FAM163B: variants seen among roughly 807,000 people sequenced by gnomAD.
FAM163B encodes the protein family with sequence similarity 163 member B, also known as protein FAM163B.
FAM163B carries 4 observed loss-of-function variants against 7.6 expected under a neutral mutation model. That is an observed-to-expected ratio of 0.52 (90% CI 0.26 to 1.20). FAM163B has a LOEUF of 1.20. Ranked by LOEUF, FAM163B falls within the 50% of genes most tolerant of loss-of-function variation. FAM163B has a pLI of 0.14. For synonymous variants in FAM163B, 120 were observed against 111.6 expected, an observed-to-expected ratio of 1.07 and a Z score of -0.47; for missense variants, 250 against 243.0, an observed-to-expected ratio of 1.03 and a Z score of -0.19.
chr9:133,589,565 C>G (rs1264713859), intron 1 of FAM163B, among the ~76,000 whole-genome samples: 1 of 152,160 alleles, frequency 6.6e-6, no homozygotes, highest in Non-Finnish European at 1.5e-5. Flanking sequence ...GACCTAAGCC[C>G]CATGAAGGCA....
At chr9:133,587,248 TG>T (rs1449035651) in intron 1 of FAM163B, among the ~76,000 whole-genome samples, 1 of 152,184 alleles carries the variant, frequency 6.6e-6, no homozygotes, top group Non-Finnish European at 1.5e-5. Context: ...GAGCCCTGCC[TG>T]GCCCACTACT....
At position 133,579,112 on chromosome 9, in the gene FAM163B, G is replaced by A. The variant is rs11507480; in HGVS notation, c.411C>T (p.Gly137=). 2 of 1,606,284 alleles carry A rather than the reference G, an allele frequency of 1.2e-6. No individual in the cohort carries two copies. The highest frequency in any genetic ancestry group is 1.7e-6 in the Non-Finnish European group (2 of 1,178,930). ...SQEDVELPPG[G]FGGLQALNPN... ...GGTTGAGCGCCTGCAGGCCCCCGAAGCCCCCCGGGGGCAGCTCCACGTCCT... is the reference window on the plus strand; with the variant it reads ...GGTTGAGCGCCTGCAGGCCCCCGAAACCCCCCGGGGGCAGCTCCACGTCCT... The change falls in exon 3 of 3, where the codon GGC becomes GGT. Residue 137 remains glycine (G), a synonymous_variant. Coordinates refer to ENST00000673969, the MANE Select transcript of FAM163B (RefSeq NM_001080515.3).
chr9:133,599,402 A>G (rs1387711912), intron 1 of FAM163B, among the ~76,000 whole-genome samples: 1 of 152,096 alleles, frequency 6.6e-6, no homozygotes, highest in Non-Finnish European at 1.5e-5. Flanking sequence ...TGCAAGCCCG[A>G]CAGCAGCTGA....
intron 1 of FAM163B, among the ~76,000 whole-genome samples, chr9:133,584,897 C>T (rs1340419967): frequency 2.0e-4 from 30 of 152,356 alleles, no homozygotes; most frequent in Admixed American, 1.8e-3. Context: ...CTGAAGCCTC[C>T]GCACTGCCAG....
rs145068435 is a variant in FAM163B, at chr9:133,592,897, C to A, written c.-23-12651G>T. On this transcript the variant is annotated intron_variant, in intron 1 of 2. Transcript: ENST00000673969. ...ACTCGAATCACCTGGGGCAGTTACA[C>A]CTGCCCCAGACCTGGCAGCATCCCA... Among the ~76,000 whole-genome samples, 818 of 152,260 alleles carry A rather than the reference C, an allele frequency of 5.4e-3. 10 individuals are homozygous for A. Among genetic ancestry groups the A allele is most frequent in the African/African-American group, 0.019 (787 of 41,554 alleles).
intron 1 of FAM163B, among the ~76,000 whole-genome samples, chr9:133,598,194 G>A (rs537846750): frequency 8.0e-4 from 121 of 151,770 alleles, no homozygotes; most frequent in African/African-American, 2.3e-3. Flanking sequence ...GGGTGGAGTC[G>A]GGCTTGTCTT....
chr9:133,583,711 G>A (rs1831389702), intron 1 of FAM163B, among the ~76,000 whole-genome samples: 1 of 152,200 alleles, frequency 6.6e-6, no homozygotes, highest in African/African-American at 2.4e-5. Flanking sequence ...CTCCAGCGGA[G>A]AGCAGCCTGG....
chr9:133,605,825 C>T (rs1365355363), intron 1 of FAM163B, among the ~76,000 whole-genome samples: 1 of 152,226 alleles, frequency 6.6e-6, no homozygotes, highest in Non-Finnish European at 1.5e-5. Context: ...CCAACACAAA[C>T]ATCCAGCCCT....
At chr9:133,588,934 T>G (rs1025020810) in intron 1 of FAM163B, among the ~76,000 whole-genome samples, 2 of 152,086 alleles carry the variant, frequency 1.3e-5, no homozygotes, top group Non-Finnish European at 2.9e-5. Context: ...GCTCTCCTGT[T>G]CTGACCACCT....
chr9:133,590,097 T>G (rs1407716439), intron 1 of FAM163B, among the ~76,000 whole-genome samples: 1 of 14,750 alleles, frequency 6.8e-5, no homozygotes, highest in Non-Finnish European at 1.2e-4. Flanking sequence ...TCCCTTCCCC[T>G]TCCCCTTCCC....
At chr9:133,605,523 AGCTCAAGGGCAGAG>A (rs1831779237) in intron 1 of FAM163B, among the ~76,000 whole-genome samples, 1 of 152,126 alleles carries the variant, frequency 6.6e-6, no homozygotes, top group Non-Finnish European at 1.5e-5. Context: ...GGGAAAACTG[AGCTCAAGGGCAGAG>A]GTGACTAGCT....
At chr9:133,599,024 C>T (rs889082281) in intron 1 of FAM163B, among the ~76,000 whole-genome samples, 1 of 152,140 alleles carries the variant, frequency 6.6e-6, no homozygotes, top group Admixed American at 6.5e-5. Flanking sequence ...CAGGGGCCCT[C>T]CCCCCTTCCC....
intron 1 of FAM163B, among the ~76,000 whole-genome samples, chr9:133,585,540 C>T (rs1400644485): frequency 6.6e-6 from 1 of 152,234 alleles, no homozygotes; most frequent in East Asian, 1.9e-4. Flanking sequence ...CTGTCTGCCT[C>T]GTTCACCTGA....
At chr9:133,603,202 A>T (rs1341266867) in intron 1 of FAM163B, among the ~76,000 whole-genome samples, 1 of 152,220 alleles carries the variant, frequency 6.6e-6, no homozygotes, top group Non-Finnish European at 1.5e-5. Flanking sequence ...TTCAAACACA[A>T]AGGTGAGGCC....
At chr9:133,590,250 C>T (rs1412964012) in intron 1 of FAM163B, among the ~76,000 whole-genome samples, 1,584 of 141,550 alleles carry the variant, frequency 0.011, 28 homozygotes, top group Non-Finnish European at 0.019. Context: ...TTCCTTCCTT[C>T]TCTCTCTCCT....
rs1831273992 is a variant in FAM163B, at chr9:133,577,662, A to G, written c.*1360T>C. On this transcript the variant is annotated 3_prime_UTR_variant, in exon 3 of 3. Transcript: ENST00000673969. ...GCCCTGGGGCTCCATGGCAGGGCAC[A>G]AAAGGAGAGGCAGAGCCCCAGAGAG... Among the ~76,000 whole-genome samples, 1 of 152,176 alleles carries G rather than the reference A, an allele frequency of 6.6e-6. No individual in the cohort carries two copies. The highest frequency in any genetic ancestry group is 2.4e-5 in the African/African-American group (1 of 41,458).
chr9:133,607,395 G>A (rs561614073), intron 1 of FAM163B, among the ~76,000 whole-genome samples: 47 of 152,330 alleles, frequency 3.1e-4, no homozygotes, highest in Admixed American at 6.5e-4. Flanking sequence ...AGCCTCAAGG[G>A]TAGGAGGAGC....
chr9:133,607,160 A>T (rs932446945), intron 1 of FAM163B, among the ~76,000 whole-genome samples: 2 of 152,146 alleles, frequency 1.3e-5, no homozygotes, highest in African/African-American at 4.8e-5. Context: ...CGGGGCTTAG[A>T]TGAACAGAGC....
chr9:133,598,804 G>A (rs1460508126), intron 1 of FAM163B, among the ~76,000 whole-genome samples: 3 of 152,166 alleles, frequency 2.0e-5, no homozygotes, highest in African/African-American at 4.8e-5. Flanking sequence ...CTGGGGACAG[G>A]GACCTGAGGC....
Sources: gnomAD v4.1 joint callset for allele counts (sites outside exome capture counted in the v4.1 genomes callset) on GRCh38, gnomAD v4.1.1 for gene constraint, MANE v1.5 for transcripts, NCBI Gene and HGNC (gene_info 2026-07-23, HGNC 2026-07-21) for gene names.